UVRAG: variants seen among roughly 807,000 people sequenced by gnomAD.
UVRAG encodes the protein UV radiation resistance associated.
Under a neutral mutation model 78.0 loss-of-function variants are expected in UVRAG, and 19 were observed. The ratio of observed to expected loss-of-function variants is 0.24; its 90% CI spans 0.17 to 0.36. The LOEUF is 0.36. Ranked by LOEUF, UVRAG falls within the 10% of genes least tolerant of loss-of-function variation. The probability of loss-of-function intolerance (pLI) is 1.00; values close to 1 mark genes in which losing one functional copy is unlikely to be tolerated. For synonymous variants in UVRAG, 323 were observed against 324.6 expected (o/e 1.00, Z 0.05); for missense variants, 740 against 853.8 (o/e 0.87, Z 1.66).
chr11:76,120,695 T>C (rs7952260), intron 14 of UVRAG, among the ~76,000 whole-genome samples: 15,270 of 152,250 alleles, frequency 0.1, 1,765 homozygotes, highest in African/African-American at 0.29. Flanking sequence ...CTAAAGTAGA[T>C]GCAAAGCACT....
chr11:76,074,516 T>C (rs1401822064), intron 13 of UVRAG, among the ~76,000 whole-genome samples: 1 of 152,202 alleles, frequency 6.6e-6, no homozygotes, highest in Non-Finnish European at 1.5e-5. Context: ...CAAATAATAA[T>C]GATGATTTAC....
chr11:76,050,902 C>T (rs139224069), intron 12 of UVRAG, among the ~76,000 whole-genome samples: 68 of 152,272 alleles, frequency 4.5e-4, no homozygotes, highest in African/African-American at 1.6e-3. Context: ...TAACAAAGTT[C>T]TGTCCCTCTG....
chr11:75,945,747 C>G (rs886438418), intron 6 of UVRAG, among the ~76,000 whole-genome samples: 4 of 152,082 alleles, frequency 2.6e-5, no homozygotes, highest in Non-Finnish European at 1.5e-5. Context: ...TGTGCTCCAG[C>G]CTTGCTAAGC....
At chr11:76,039,259 G>T (rs1352380340) in intron 12 of UVRAG, among the ~76,000 whole-genome samples, 1 of 152,194 alleles carries the variant, frequency 6.6e-6, no homozygotes, top group East Asian at 1.9e-4. Context: ...AGCATCAAAT[G>T]TTGGCCAATA....
intron 6 of UVRAG, among the ~76,000 whole-genome samples, chr11:75,935,848 A>G (rs1325589118): frequency 6.6e-6 from 1 of 152,190 alleles, no homozygotes; most frequent in Non-Finnish European, 1.5e-5. Flanking sequence ...ATTAACCTTA[A>G]CATGTTACTG....
chr11:75,958,551 A>G (rs1447312831), intron 6 of UVRAG, among the ~76,000 whole-genome samples: 1 of 152,092 alleles, frequency 6.6e-6, no homozygotes, highest in African/African-American at 2.4e-5. Context: ...TTATAATTCT[A>G]ATTCTCTTGC....
At chr11:76,091,156 A>T (rs1043869816) in intron 13 of UVRAG, among the ~76,000 whole-genome samples, 2 of 152,208 alleles carry the variant, frequency 1.3e-5, no homozygotes, top group Admixed American at 6.5e-5. Context: ...GGCTGGAAAC[A>T]ATTTTCCTTA....
At chr11:75,843,953 C>T (rs1313402088) in intron 1 of UVRAG, among the ~76,000 whole-genome samples, 2 of 139,124 alleles carry the variant, frequency 1.4e-5, no homozygotes, top group African/African-American at 5.8e-5. Flanking sequence ...AGCAAGACGC[C>T]ATCTAAAAAA....
chr11:75,815,370 G>A lies in UVRAG; in HGVS notation c.-38G>A, dbSNP rs1490025379. On this transcript the variant is annotated 5_prime_UTR_variant, in exon 1 of 15. Coordinates refer to ENST00000356136, the MANE Select transcript of UVRAG (RefSeq NM_003369.4). ...AAGGGGGCGGCGGCGGATGCCGGAA[G>A]AGTGCCCGCCCCGCCGCTTGGCGGC... 1.8e-6 allele frequency: 2 copies of A among 1,122,912 alleles called. No homozygotes were observed. The highest frequency in any genetic ancestry group is 1.6e-5 in the African/African-American group (1 of 62,406). 69.6% of individuals were successfully genotyped at this position (1,122,912 alleles called of 1,614,324 possible).
At chr11:76,029,621 A>G (rs1037907524) in intron 12 of UVRAG, among the ~76,000 whole-genome samples, 5 of 152,194 alleles carry the variant, frequency 3.3e-5, no homozygotes, top group Non-Finnish European at 4.4e-5. Context: ...AAGTTTAACA[A>G]TGAGGAGTTG....
chr11:75,822,126 G>A (rs547236288), intron 1 of UVRAG, among the ~76,000 whole-genome samples: 2 of 151,828 alleles, frequency 1.3e-5, no homozygotes, highest in African/African-American at 4.8e-5. Flanking sequence ...TCTATTTTCA[G>A]TAGGACGGGG....
chr11:75,971,789 G>T (rs969690810), intron 7 of UVRAG, among the ~76,000 whole-genome samples: 2 of 152,028 alleles, frequency 1.3e-5, no homozygotes, highest in East Asian at 3.9e-4. Flanking sequence ...AGGTTCAAGC[G>T]ATTTTCCTCC....
At chr11:75,980,685 T>G (rs1243931651) in intron 7 of UVRAG, among the ~76,000 whole-genome samples, 1 of 151,200 alleles carries the variant, frequency 6.6e-6, no homozygotes, top group Non-Finnish European at 1.5e-5. Context: ...GGCTAGAATT[T>G]TTTTTTTTTT....
At chr11:75,898,244 G>A (rs1187910224) in intron 5 of UVRAG, among the ~76,000 whole-genome samples, 4 of 152,100 alleles carry the variant, frequency 2.6e-5, no homozygotes, top group Non-Finnish European at 4.4e-5. Flanking sequence ...AGGAAGGTAG[G>A]GCCAATTTAT....
intron 13 of UVRAG, among the ~76,000 whole-genome samples, chr11:76,113,535 CT>C (rs113969021): frequency 0.1 from 15,655 of 150,606 alleles, 1,858 homozygotes; most frequent in African/African-American, 0.3. Context: ...CAGAGAACTG[CT>C]TTTTTTTTCA....
At chr11:75,987,691 T>C (rs1379673535) in intron 8 of UVRAG, among the ~76,000 whole-genome samples, 5 of 152,124 alleles carry the variant, frequency 3.3e-5, no homozygotes, top group Non-Finnish European at 2.9e-5. Context: ...TCTTATTTTG[T>C]GGTTTACCGT....
chr11:75,843,269 A>G (rs1401568728), intron 1 of UVRAG, among the ~76,000 whole-genome samples: 2 of 152,240 alleles, frequency 1.3e-5, no homozygotes, highest in Non-Finnish European at 2.9e-5. Flanking sequence ...CTGTATCAAC[A>G]AATATAGATT....
Position 76,082,551 on chromosome 11 carries a change from A to AC in UVRAG, c.1305+16763_1305+16764insC, listed in dbSNP as rs1359351083. ...CGAGACTCCGTCCCAAAAAAAAAAAAAAAAAAAACATAGGTAACAATTTTT... is the reference window on the plus strand; with the variant it reads ...CGAGACTCCGTCCCAAAAAAAAAAAACAAAAAAAACATAGGTAACAATTTTT... On this transcript the variant is annotated intron_variant, in intron 13 of 14. Transcript: ENST00000356136. Among the ~76,000 whole-genome samples, 16 of 151,492 alleles carry AC rather than the reference A, an allele frequency of 1.1e-4. No homozygotes were observed. In the East Asian group the frequency reaches 2.5e-3, roughly 24 times the overall value.
At chr11:76,067,827 T>C (rs1200423772) in intron 13 of UVRAG, among the ~76,000 whole-genome samples, 1 of 151,980 alleles carries the variant, frequency 6.6e-6, no homozygotes, top group Non-Finnish European at 1.5e-5. Context: ...CCTCCAGCGA[T>C]GTCAGCCGTG....
Sources: allele counts gnomAD v4.1 joint callset (sites outside exome capture counted in the v4.1 genomes callset), GRCh38; gene constraint gnomAD v4.1.1; transcripts MANE v1.5; gene names NCBI Gene and HGNC (gene_info 2026-07-23, HGNC 2026-07-21).